ENOX1: variants seen among roughly 807,000 people sequenced by gnomAD.
The protein encoded by ENOX1 is ecto-NOX disulfide-thiol exchanger 1.
Under a neutral mutation model 82.5 loss-of-function variants are expected in ENOX1, and 42 were observed. That is an observed-to-expected ratio of 0.51 (90% CI 0.40 to 0.66). The LOEUF (loss-of-function observed/expected upper bound fraction) is 0.66. Among genes scored for constraint, ENOX1 ranks in the 30% least tolerant of loss-of-function variants. The pLI, the probability that ENOX1 is intolerant of heterozygous loss-of-function variation, is 0.00. For synonymous variants in ENOX1, 271 were observed against 282.2 expected (o/e 0.96, Z 0.40); for missense variants, 608 against 811.6 (o/e 0.75, Z 3.05).
intron 2 of ENOX1, among the ~76,000 whole-genome samples, chr13:43,502,202 G>A (rs2077004516): frequency 6.6e-6 from 1 of 151,502 alleles, no homozygotes; most frequent in Admixed American, 6.6e-5. Context: ...TCGGATCAAT[G>A]ACAAATAAGG....
intron 1 of ENOX1, among the ~76,000 whole-genome samples, chr13:43,712,774 A>AC (rs1335891326): frequency 2.0e-5 from 3 of 152,044 alleles, no homozygotes; most frequent in Non-Finnish European, 4.4e-5. Context: ...GTATCCTGAG[A>AC]TTTGCTGAAG....
chr13:43,475,242 A>C (rs1381335050), intron 3 of ENOX1, among the ~76,000 whole-genome samples: 1 of 152,156 alleles, frequency 6.6e-6, no homozygotes, highest in Non-Finnish European at 1.5e-5. Context: ...CTACTTAAAA[A>C]CATATGTGAG....
intron 9 of ENOX1, among the ~76,000 whole-genome samples, chr13:43,342,775 T>C (rs1372092310): frequency 1.3e-5 from 2 of 152,252 alleles, no homozygotes; most frequent in South Asian, 2.1e-4. Context: ...AATTTGGTGG[T>C]AATACCAAAA....
At chr13:43,233,928 C>T (rs2042400552) in intron 15 of ENOX1, among the ~76,000 whole-genome samples, 1 of 152,158 alleles carries the variant, frequency 6.6e-6, no homozygotes, top group Non-Finnish European at 1.5e-5. Flanking sequence ...GTATTTATGA[C>T]TGCTCCAGAT....
chr13:43,427,505 G>A (rs1471781634), intron 3 of ENOX1, among the ~76,000 whole-genome samples: 2 of 152,204 alleles, frequency 1.3e-5, no homozygotes, highest in African/African-American at 4.8e-5. Context: ...CTCCCACAAA[G>A]AGTCAGACTA....
intron 5 of ENOX1, among the ~76,000 whole-genome samples, chr13:43,393,025 G>A (rs1217187146): frequency 6.6e-6 from 1 of 152,132 alleles, no homozygotes; most frequent in Non-Finnish European, 1.5e-5. Flanking sequence ...TGAGGCAAAA[G>A]CAGGCATAGC....
chr13:43,732,834 C>A (rs1181465382), intron 1 of ENOX1, among the ~76,000 whole-genome samples: 4 of 152,190 alleles, frequency 2.6e-5, no homozygotes, highest in African/African-American at 9.7e-5. Context: ...TTTCATTCAG[C>A]CCCAGTAATG....
chr13:43,216,032 TAAAAATACA>T (rs1290338297), intron 16 of ENOX1, among the ~76,000 whole-genome samples: 1 of 152,066 alleles, frequency 6.6e-6, no homozygotes. Context: ...CTGTCTCTAC[TAAAAATACA>T]AAAAATTAGC....
At chr13:43,728,651 A>C (rs2089142199) in intron 1 of ENOX1, among the ~76,000 whole-genome samples, 2 of 152,200 alleles carry the variant, frequency 1.3e-5, no homozygotes, top group South Asian at 4.1e-4. Context: ...TAAAAAAAAC[A>C]AAACCATATT....
intron 9 of ENOX1, among the ~76,000 whole-genome samples, chr13:43,342,807 T>C (rs1046346774): frequency 3.3e-5 from 5 of 152,258 alleles, no homozygotes; most frequent in Non-Finnish European, 7.3e-5. Context: ...TCCCACATAC[T>C]ACACTTTTCT....
At chr13:43,627,164 CAT>C (rs2082999109) in intron 2 of ENOX1, among the ~76,000 whole-genome samples, 1 of 151,946 alleles carries the variant, frequency 6.6e-6, no homozygotes, top group African/African-American at 2.4e-5. Context: ...TTTCAATGTG[CAT>C]ATGTCATTAT....
rs1400862189 is a variant in ENOX1 at position 43,359,896 on chromosome 13, G to A, written c.544C>T (p.Arg182Cys). ...TCAACCATGAATTCCTCTGCAAAGC[G>A]AATGTGACAAAAATTCTTCTTGCTT... ...RKSKKNFCHI[R>C]FAEEFMVDKA... is the part of the protein sequence containing the mutation. The change falls in exon 7 of 17, where the codon CGC becomes TGC. Residue 182 changes from arginine to cysteine, a missense_variant. Coordinates refer to ENST00000690772, the MANE Select transcript of ENOX1 (RefSeq NM_001347969.2). 2.5e-6 allele frequency: 4 copies of A among 1,614,170 alleles called. No individual in the cohort carries two copies. Among genetic ancestry groups the A allele is most frequent in the African/African-American group, 1.3e-5 (1 of 75,046 alleles).
At chr13:43,573,087 C>T (rs1231468988) in intron 2 of ENOX1, among the ~76,000 whole-genome samples, 2 of 152,168 alleles carry the variant, frequency 1.3e-5, no homozygotes, top group Non-Finnish European at 2.9e-5. Flanking sequence ...ACTTGTGTGA[C>T]ATTAACTGCT....
chr13:43,580,870 CAT>C (rs921156853), intron 2 of ENOX1, among the ~76,000 whole-genome samples: 80 of 152,240 alleles, frequency 5.3e-4, no homozygotes, highest in African/African-American at 1.5e-3. Context: ...TAAATTTACA[CAT>C]ATGTTATTTA....
At chr13:43,514,665 G>A (rs2077494598) in intron 2 of ENOX1, among the ~76,000 whole-genome samples, 1 of 152,058 alleles carries the variant, frequency 6.6e-6, no homozygotes, top group South Asian at 2.1e-4. Context: ...AAAGCGATAT[G>A]GCAAAACTTA....
intron 5 of ENOX1, among the ~76,000 whole-genome samples, chr13:43,403,603 G>A (rs1442924107): frequency 6.6e-6 from 1 of 152,162 alleles, no homozygotes; most frequent in East Asian, 1.9e-4. Flanking sequence ...ACCACTTTGG[G>A]AGGCTGAGGC....
chr13:43,577,022 C>A lies in ENOX1; in HGVS notation c.-219+90457G>T, dbSNP rs576793730. Among the ~76,000 whole-genome samples the A allele has an allele frequency of 2.6e-5, 4 of 152,190 alleles. No homozygotes were observed. The East Asian group carries it at 5.8e-4, about 22-fold the overall frequency. ...TATGAACCACACATTGTGTAAGGCA[C>A]TGAAGATACAAGTATAATAAGAAGT... is the stretch of plus-strand genomic sequence containing the variant. On this transcript the variant is annotated intron_variant, in intron 2 of 16. Transcript: ENST00000690772.
chr13:43,431,831 A>G (rs1473611533), intron 3 of ENOX1, among the ~76,000 whole-genome samples: 1 of 152,020 alleles, frequency 6.6e-6, no homozygotes, highest in Non-Finnish European at 1.5e-5. Context: ...AATCCAAGAG[A>G]GCAAACGCCT....
chr13:43,485,130 C>T (rs1404115467), intron 2 of ENOX1, among the ~76,000 whole-genome samples: 1 of 152,174 alleles, frequency 6.6e-6, no homozygotes, highest in African/African-American at 2.4e-5. Context: ...GCTACATTCA[C>T]CTTAATGGCT....
Sources: allele counts gnomAD v4.1 joint callset (sites outside exome capture counted in the v4.1 genomes callset), GRCh38; gene constraint gnomAD v4.1.1; transcripts MANE v1.5; gene names NCBI Gene and HGNC (gene_info 2026-07-23, HGNC 2026-07-21).